Variants in DIP2C observed in about 807,000 individuals in gnomAD.
DIP2C encodes DIP2 acetate--CoA ligase C (putative), also known as disco-interacting protein 2 homolog C.
Under a neutral mutation model 192.4 loss-of-function variants are expected in DIP2C, and 33 were observed. The observed-to-expected ratio is 0.17, with a 90% CI of 0.13 to 0.23. The LOEUF (loss-of-function observed/expected upper bound fraction) is 0.23, where lower values mean the gene tolerates loss of function less well. DIP2C is among the 10% of genes least tolerant of loss of function. DIP2C has a pLI of 1.00. For synonymous variants in DIP2C, 979 were observed against 864.1 expected (o/e 1.13, Z -2.33); for missense variants, 1,537 against 2,110.1 (o/e 0.73, Z 5.32).
At chr10:365,156 G>A in intron 19 of DIP2C, 1 of 392,174 alleles carries the variant, frequency 2.5e-6, no homozygotes, top group Non-Finnish European at 5.1e-6. Context: ...TCAGTTTCGA[G>A]GGATATTTTA....
At chr10:514,720 T>C (rs572781823) in intron 1 of DIP2C, among the ~76,000 whole-genome samples, 2 of 152,248 alleles carry the variant, frequency 1.3e-5, no homozygotes, top group African/African-American at 2.4e-5. Flanking sequence ...TGCACGTCCC[T>C]GCTCCCTGCG....
At chr10:588,907 T>A (rs1238918589) in intron 1 of DIP2C, among the ~76,000 whole-genome samples, 1 of 152,198 alleles carries the variant, frequency 6.6e-6, no homozygotes, top group Non-Finnish European at 1.5e-5. Context: ...TTGTGTGAGT[T>A]CAGTTTTGTA....
In DIP2C at chr10:276,524, A is replaced by T. The variant is rs1157150623; in HGVS notation, c.*801T>A. On this transcript the variant is annotated 3_prime_UTR_variant, in exon 37 of 37. Coordinates refer to ENST00000280886, the MANE Select transcript of DIP2C (RefSeq NM_014974.3). ...ACAACACTTTTTTATATTAGCAAAC[A>T]TTACAAGACTTTAATATTCTTGAAT... 1 of 152,572 alleles carries T rather than the reference A, an allele frequency of 6.6e-6. No homozygotes were observed. The highest frequency in any genetic ancestry group is 6.5e-5 in the Admixed American group (1 of 15,292). The allele number at this position is 152,572 out of a possible 1,614,324, so 9.5% of individuals were successfully genotyped here. A position where few individuals can be genotyped will look rare whatever the true frequency, so the allele number is the denominator to read the frequency against.
intron 1 of DIP2C, among the ~76,000 whole-genome samples, chr10:580,965 C>T (rs1222457415): frequency 6.6e-6 from 1 of 152,178 alleles, no homozygotes. Context: ...GCGTTTGAGA[C>T]AAAGCCTCTT....
intron 1 of DIP2C, among the ~76,000 whole-genome samples, chr10:524,966 T>TAAAAA (rs1564818283): frequency 3.7e-5 from 1 of 26,744 alleles, no homozygotes; most frequent in African/African-American, 4.4e-4. Flanking sequence ...AATCACAATT[T>TAAAAA]CAAAAAAAAA....
intron 1 of DIP2C, among the ~76,000 whole-genome samples, chr10:564,223 C>T (rs1358188781): frequency 1.3e-5 from 2 of 152,074 alleles, no homozygotes; most frequent in African/African-American, 2.4e-5. Context: ...CCCCCCACCC[C>T]CGCACGTGGT....
chr10:300,209 C>T (rs1434942796), intron 32 of DIP2C, among the ~76,000 whole-genome samples: 1 of 152,138 alleles, frequency 6.6e-6, no homozygotes, highest in Non-Finnish European at 1.5e-5. Context: ...TCTATAAACC[C>T]ATGTTCACAG....
At chr10:430,326 C>T (rs888406757) in intron 4 of DIP2C, 8 of 152,178 alleles carry the variant, frequency 5.3e-5, no homozygotes, top group Non-Finnish European at 1.0e-4. Context: ...TTCTGACCTC[C>T]TCCATTTCCA....
At chr10:584,411 C>CA (rs1398689471) in intron 1 of DIP2C, among the ~76,000 whole-genome samples, 2 of 148,198 alleles carry the variant, frequency 1.3e-5, no homozygotes, top group African/African-American at 2.5e-5. Context: ...CATCACCTCT[C>CA]AATCTCGGGG....
At chr10:393,778 C>CAAAAAAAAAAAAAAAAA (rs34390976) in intron 10 of DIP2C, among the ~76,000 whole-genome samples, 2 of 66,454 alleles carry the variant, frequency 3.0e-5, no homozygotes, top group Non-Finnish European at 5.4e-5. Flanking sequence ...GACTCCGTCT[C>CAAAAAAAAAAAAAAAAA]AAAAAAAAAA....
chr10:521,566 G>T (rs992856058), intron 1 of DIP2C, among the ~76,000 whole-genome samples: 1 of 152,142 alleles, frequency 6.6e-6, no homozygotes, highest in South Asian at 2.1e-4. Flanking sequence ...GGGAGAAGCC[G>T]GTCCAGATAT....
intron 31 of DIP2C, among the ~76,000 whole-genome samples, chr10:317,224 G>A (rs1289899470): frequency 2.6e-5 from 4 of 152,238 alleles, no homozygotes; most frequent in African/African-American, 9.6e-5. Flanking sequence ...CTGGTGGGGT[G>A]GGGGCCACAG....
At chr10:531,471 TAAC>T (rs1847367506) in intron 1 of DIP2C, among the ~76,000 whole-genome samples, 1 of 152,190 alleles carries the variant, frequency 6.6e-6, no homozygotes, top group East Asian at 1.9e-4. Context: ...GTCATGTTGT[TAAC>T]AACTATTGCT....
At chr10:333,796 A>G (rs941280049) in intron 29 of DIP2C, among the ~76,000 whole-genome samples, 1 of 152,238 alleles carries the variant, frequency 6.6e-6, no homozygotes, top group African/African-American at 2.4e-5. Context: ...TTGAAGTCAG[A>G]AAACACGAGC....
intron 1 of DIP2C, among the ~76,000 whole-genome samples, chr10:554,067 T>A (rs926100419): frequency 6.6e-6 from 1 of 151,700 alleles, no homozygotes; most frequent in African/African-American, 2.4e-5. Context: ...GCAAGAAATA[T>A]ACATCATAGG....
At chr10:629,575 G>C (rs1311379363) in intron 1 of DIP2C, among the ~76,000 whole-genome samples, 1 of 152,236 alleles carries the variant, frequency 6.6e-6, no homozygotes, top group Admixed American at 6.5e-5. Context: ...CCTCCAGCAG[G>C]CCCAGCCTCA....
chr10:424,509 G>C (rs1966445081), intron 4 of DIP2C, among the ~76,000 whole-genome samples: 1 of 151,792 alleles, frequency 6.6e-6, no homozygotes, highest in South Asian at 2.1e-4. Flanking sequence ...GAGATTACAG[G>C]CACCTACCAC....
At chr10:382,610 C>G in intron 17 of DIP2C, 37 bp downstream of exon 17, 3 of 1,522,934 alleles carry the variant, frequency 2.0e-6, no homozygotes, top group East Asian at 2.3e-5. Flanking sequence ...TTAGGACTGT[C>G]TCTAGGTTAT....
intron 3 of DIP2C, among the ~76,000 whole-genome samples, chr10:455,431 G>A (rs1325691015): frequency 7.8e-5 from 8 of 102,176 alleles, no homozygotes; most frequent in African/African-American, 3.0e-4. Context: ...GTCCCTGCCT[G>A]AGGGGAGACC....
Sources: gnomAD v4.1 joint callset for allele counts (sites outside exome capture counted in the v4.1 genomes callset) on GRCh38, gnomAD v4.1.1 for gene constraint, MANE v1.5 for transcripts, NCBI Gene and HGNC (gene_info 2026-07-23, HGNC 2026-07-21) for gene names.